The following TAF3 variants were observed in gnomAD, a reference collection of about 807,000 sequenced individuals.
The protein encoded by TAF3 is transcription initiation factor TFIID subunit 3.
In TAF3, 7 loss-of-function variants were observed where a neutral mutation model predicts 80.6. That is an observed-to-expected ratio of 0.09 (90% confidence interval 0.05 to 0.16). The LOEUF is 0.16. TAF3 is among the 10% of genes least tolerant of loss of function. TAF3 has a pLI of 1.00. For synonymous variants in TAF3, 444 were observed against 446.1 expected (o/e 1.00, Z 0.06); for missense variants, 921 against 1,140.2 (o/e 0.81, Z 2.77).
chr10:7,935,353 T>G (rs1837907348), intron 2 of TAF3, among the ~76,000 whole-genome samples: 1 of 151,778 alleles, frequency 6.6e-6, no homozygotes, highest in Non-Finnish European at 1.5e-5. Flanking sequence ...ATCTCAGCAC[T>G]TTGGGAGGCC....
intron 2 of TAF3, among the ~76,000 whole-genome samples, chr10:7,954,388 A>G (rs1352253047): frequency 8.3e-6 from 1 of 119,964 alleles, no homozygotes; most frequent in African/African-American, 2.8e-5. Flanking sequence ...TGCACTCCAT[A>G]GGCAAATGAG....
chr10:7,923,490 A>G (rs1837785896), intron 2 of TAF3, among the ~76,000 whole-genome samples: 2 of 151,914 alleles, frequency 1.3e-5, no homozygotes, highest in Non-Finnish European at 1.5e-5. Flanking sequence ...AGTATGTGCC[A>G]TATCTTTATG....
At chr10:7,862,467 G>T (rs1321248082) in intron 2 of TAF3, among the ~76,000 whole-genome samples, 2 of 152,110 alleles carry the variant, frequency 1.3e-5, no homozygotes, top group African/African-American at 4.8e-5. Context: ...TGATTTGTGT[G>T]TGTATATGTG....
intron 2 of TAF3, among the ~76,000 whole-genome samples, chr10:7,858,381 C>T (rs193284980): frequency 1.3e-5 from 2 of 152,260 alleles, no homozygotes; most frequent in East Asian, 1.9e-4. Context: ...TTCTTCCTGG[C>T]GCTTGATCCT....
At chr10:7,825,789 T>C (rs1836734834) in intron 2 of TAF3, among the ~76,000 whole-genome samples, 1 of 152,244 alleles carries the variant, frequency 6.6e-6, no homozygotes, top group African/African-American at 2.4e-5. Context: ...TTGTGATTAA[T>C]GCCGCTATGA....
At chr10:7,842,151 G>GTTTTTTTTTT (rs71505465) in intron 2 of TAF3, among the ~76,000 whole-genome samples, 12 of 98,748 alleles carry the variant, frequency 1.2e-4, no homozygotes, top group Non-Finnish European at 1.7e-4. Flanking sequence ...AATTAATATT[G>GTTTTTTTTTT]TTTTTTTTTT....
intron 2 of TAF3, among the ~76,000 whole-genome samples, chr10:7,943,825 A>G (rs1311447226): frequency 1.3e-5 from 2 of 152,226 alleles, no homozygotes; most frequent in Non-Finnish European, 2.9e-5. Context: ...TACTGTCACT[A>G]TCATTTCCAT....
chr10:7,963,674 G>T (rs1831534508), intron 2 of TAF3, among the ~76,000 whole-genome samples: 1 of 152,072 alleles, frequency 6.6e-6, no homozygotes, highest in South Asian at 2.1e-4. Flanking sequence ...TCGGGGGCTG[G>T]GGGAGGGATA....
chr10:7,996,504 T>G (rs1831888697), intron 4 of TAF3, among the ~76,000 whole-genome samples: 1 of 152,216 alleles, frequency 6.6e-6, no homozygotes, highest in African/African-American at 2.4e-5. Context: ...GCTTAGTATT[T>G]CTGGGGCTTT....
intron 2 of TAF3, among the ~76,000 whole-genome samples, chr10:7,874,136 T>G (rs1485705247): frequency 6.6e-6 from 1 of 152,246 alleles, no homozygotes; most frequent in African/African-American, 2.4e-5. Flanking sequence ...AATATACCTC[T>G]TATTGTTTTA....
At chr10:7,871,045 AAC>A (rs1423785847) in intron 2 of TAF3, among the ~76,000 whole-genome samples, 2 of 152,144 alleles carry the variant, frequency 1.3e-5, no homozygotes, top group Non-Finnish European at 2.9e-5. Context: ...GTCTAGACAT[AAC>A]AGTTTATTTT....
chr10:8,008,013 G>A (rs549907569), intron 4 of TAF3, among the ~76,000 whole-genome samples: 32 of 151,522 alleles, frequency 2.1e-4, no homozygotes, highest in Non-Finnish European at 3.7e-4. Context: ...CAGCTCTAGC[G>A]ACCTGCGGCA....
chr10:7,963,787 A>G (rs1831537173), intron 2 of TAF3, 133 bp from the exon 3 acceptor site: 17 of 926,248 alleles, frequency 1.8e-5, no homozygotes, highest in African/African-American at 6.7e-5. Flanking sequence ...GTGCCCATGT[A>G]CCCTAGAACT....
intron 2 of TAF3, among the ~76,000 whole-genome samples, chr10:7,861,399 C>T (rs1191890046): frequency 6.6e-6 from 1 of 152,026 alleles, no homozygotes; most frequent in Non-Finnish European, 1.5e-5. Flanking sequence ...AGCCACCGCA[C>T]CCAGCCAACA....
intron 2 of TAF3, among the ~76,000 whole-genome samples, chr10:7,932,669 AT>A (rs34907761): frequency 0.34 from 26,627 of 79,186 alleles, 1,865 homozygotes; most frequent in African/African-American, 0.41. Flanking sequence ...GTTCCACTTA[AT>A]TTTTTTTTTT....
intron 2 of TAF3, among the ~76,000 whole-genome samples, chr10:7,907,711 C>G (rs1837619088): frequency 6.6e-6 from 1 of 152,200 alleles, no homozygotes. Context: ...CCCAGGTAAG[C>G]TCTTTCTTCC....
chr10:7,906,047 G>T (rs535128632), intron 2 of TAF3, among the ~76,000 whole-genome samples: 10 of 152,318 alleles, frequency 6.6e-5, no homozygotes, highest in African/African-American at 2.4e-4. Flanking sequence ...ATTGTGTCAG[G>T]ATAATTAAAA....
intron 2 of TAF3, among the ~76,000 whole-genome samples, chr10:7,917,325 A>G (rs1309144428): frequency 6.6e-6 from 1 of 152,246 alleles, no homozygotes; most frequent in African/African-American, 2.4e-5. Context: ...AGAAGTCCAC[A>G]TGGATAGCTC....
chr10:7,848,568 G>C (rs568634930), intron 2 of TAF3, among the ~76,000 whole-genome samples: 52 of 152,106 alleles, frequency 3.4e-4, no homozygotes, highest in African/African-American at 1.2e-3. Flanking sequence ...TCCCTCGACA[G>C]CTGCTAGATA....
Sources: gnomAD v4.1 joint callset for allele counts (sites outside exome capture counted in the v4.1 genomes callset) on GRCh38, gnomAD v4.1.1 for gene constraint, MANE v1.5 for transcripts, NCBI Gene and HGNC (gene_info 2026-07-23, HGNC 2026-07-21) for gene names.